The following SMAP1 variants were observed in gnomAD, a reference collection of about 807,000 sequenced individuals.
The protein encoded by SMAP1 is stromal membrane-associated protein 1.
SMAP1 carries 24 observed loss-of-function variants against 58.5 expected under a neutral mutation model. The observed-to-expected ratio is 0.41, with a 90% CI of 0.30 to 0.58. The LOEUF (loss-of-function observed/expected upper bound fraction) is 0.58, where lower values mean the gene tolerates loss of function less well. SMAP1 is among the 20% of genes least tolerant of loss of function. The probability of loss-of-function intolerance (pLI) is 0.29; values close to 1 mark genes in which losing one functional copy is unlikely to be tolerated. For missense variants in SMAP1, 563 were observed against 566.3 expected (o/e 0.99, Z 0.06); for synonymous variants, 216 against 196.6 (o/e 1.10, Z -0.82).
chr6:70,755,170 T>C, intron 3 of SMAP1, 105 bp downstream of exon 3: 1 of 859,006 alleles, frequency 1.2e-6, no homozygotes, highest in South Asian at 1.8e-5. Flanking sequence ...TTTATCACGC[T>C]ACTGTTCATT....
intron 4 of SMAP1, among the ~76,000 whole-genome samples, chr6:70,774,646 A>G (rs1767471038): frequency 6.6e-6 from 1 of 152,212 alleles, no homozygotes. Context: ...TGGGAGGCCA[A>G]GGTGGGAGGA....
chr6:70,783,414 C>G (rs547566544), intron 4 of SMAP1, among the ~76,000 whole-genome samples: 1 of 152,198 alleles, frequency 6.6e-6, no homozygotes, highest in South Asian at 2.1e-4. Flanking sequence ...TCCAAAGGAA[C>G]GCAGTTCCTC....
chr6:70,798,823 A>G, intron 6 of SMAP1, 86 bp downstream of exon 6: 1 of 1,036,686 alleles, frequency 9.6e-7, no homozygotes, highest in South Asian at 1.9e-5. Context: ...GATATTTATA[A>G]TATGTAAATA....
intron 6 of SMAP1, among the ~76,000 whole-genome samples, chr6:70,825,700 C>G (rs944666870): frequency 6.6e-6 from 1 of 152,098 alleles, no homozygotes; most frequent in Non-Finnish European, 1.5e-5. Context: ...GTTAAAGGCT[C>G]TAAGTATAAT....
chr6:70,667,946 G>A lies in SMAP1; in HGVS notation c.-78G>A. The A allele has an allele frequency of 5.4e-6, 7 of 1,307,008 alleles. No individual in the cohort carries two copies. The highest frequency in any genetic ancestry group is 6.3e-6 in the Non-Finnish European group (6 of 950,168). The allele number at this position is 1,307,008 out of a possible 1,614,324, so 81.0% of individuals were successfully genotyped here. On this transcript the variant is annotated 5_prime_UTR_variant, in exon 1 of 11. Transcript: ENST00000370455. The stretch of plus-strand genomic sequence containing the variant: ...TCCGCCCGCGGTCCCGGCGGCGCCA[G>A]GTGCGTTCACTCTGCCCGGCTCCAG...
At chr6:70,845,527 A>C (rs62419736) in intron 7 of SMAP1, among the ~76,000 whole-genome samples, 19,509 of 152,328 alleles carry the variant, frequency 0.13, 1,397 homozygotes, top group Middle Eastern at 0.23. Context: ...GAATAAAATA[A>C]GTTTATTTTG....
intron 6 of SMAP1, among the ~76,000 whole-genome samples, chr6:70,834,787 A>G (rs1221809792): frequency 6.6e-6 from 1 of 152,216 alleles, no homozygotes; most frequent in African/African-American, 2.4e-5. Flanking sequence ...TCATGACTAC[A>G]GGGAATATTT....
At chr6:70,857,183 C>T (rs1169825213) in intron 9 of SMAP1, 153 bp downstream of exon 9, 1 of 672,038 alleles carries the variant, frequency 1.5e-6, no homozygotes, top group Non-Finnish European at 2.2e-6. Context: ...AATGAATGAG[C>T]ATTAGAATTA....
chr6:70,820,772 T>C (rs1472782548), intron 6 of SMAP1, among the ~76,000 whole-genome samples: 1 of 152,218 alleles, frequency 6.6e-6, no homozygotes, highest in African/African-American at 2.4e-5. Flanking sequence ...AACTTCCATC[T>C]AAGACAGTCT....
chr6:70,765,308 C>T (rs1347313365), intron 3 of SMAP1, among the ~76,000 whole-genome samples: 2 of 152,090 alleles, frequency 1.3e-5, no homozygotes, highest in African/African-American at 2.4e-5. Flanking sequence ...ATAATGAAAC[C>T]GGTTTTACCC....
intron 3 of SMAP1, among the ~76,000 whole-genome samples, chr6:70,771,967 G>A (rs964770038): frequency 5.9e-5 from 9 of 152,134 alleles, no homozygotes; most frequent in Admixed American, 3.9e-4. Flanking sequence ...GAGCTGTCCC[G>A]TCTGCCCAGG....
intron 4 of SMAP1, among the ~76,000 whole-genome samples, chr6:70,784,267 C>A (rs958263422): frequency 1.3e-5 from 2 of 151,900 alleles, no homozygotes; most frequent in African/African-American, 4.8e-5. Flanking sequence ...GATTTTGTCA[C>A]CACCAGGCCT....
chr6:70,813,707 T>G (rs1388136923), intron 6 of SMAP1, among the ~76,000 whole-genome samples: 2 of 149,080 alleles, frequency 1.3e-5, no homozygotes, highest in East Asian at 3.9e-4. Flanking sequence ...TTGGTAATAT[T>G]TGTCTTTTAA....
intron 1 of SMAP1, among the ~76,000 whole-genome samples, chr6:70,684,976 G>A (rs1166888692): frequency 1.3e-5 from 2 of 152,082 alleles, no homozygotes; most frequent in East Asian, 1.9e-4. Flanking sequence ...TGGGGGTGTG[G>A]TATTTAAACT....
chr6:70,754,797 A>G (rs1766416585), intron 2 of SMAP1, among the ~76,000 whole-genome samples, 183 bp from the exon 3 acceptor site: 1 of 152,094 alleles, frequency 6.6e-6, no homozygotes, highest in Non-Finnish European at 1.5e-5. Context: ...GATTAAAAAT[A>G]TGCTTCTGTT....
intron 4 of SMAP1, among the ~76,000 whole-genome samples, chr6:70,784,181 A>T (rs1363992880): frequency 6.6e-6 from 1 of 152,188 alleles, no homozygotes; most frequent in African/African-American, 2.4e-5. Context: ...TTCAAGCCAG[A>T]ATTTCATATC....
chr6:70,702,578 C>T (rs1582028531), intron 1 of SMAP1, among the ~76,000 whole-genome samples: 1 of 151,730 alleles, frequency 6.6e-6, no homozygotes, highest in Non-Finnish European at 1.5e-5. Flanking sequence ...CACACACATG[C>T]ACTCCATGCC....
chr6:70,794,567 G>A (rs991407445), intron 5 of SMAP1, among the ~76,000 whole-genome samples: 2 of 151,958 alleles, frequency 1.3e-5, no homozygotes, highest in Non-Finnish European at 1.5e-5. Flanking sequence ...ACCACCCCAC[G>A]ACAGGCACCG....
chr6:70,758,945 A>G (rs80125418), intron 3 of SMAP1, among the ~76,000 whole-genome samples: 5,973 of 152,158 alleles, frequency 0.039, 446 homozygotes, highest in African/African-American at 0.14. Context: ...TCTGTTACAC[A>G]TATACATGGA....
Sources: allele counts gnomAD v4.1 joint callset (sites outside exome capture counted in the v4.1 genomes callset), GRCh38; gene constraint gnomAD v4.1.1; transcripts MANE v1.5; gene names NCBI Gene and HGNC (gene_info 2026-07-23, HGNC 2026-07-21).